ANXA3: variants seen among roughly 807,000 people sequenced by gnomAD.
ANXA3 encodes the protein annexin A3, also known as 35-alpha calcimedin.
Under a neutral mutation model 48.8 loss-of-function variants are expected in ANXA3, and 46 were observed. That is an observed-to-expected ratio of 0.94 (90% CI 0.74 to 1.21). ANXA3 has a LOEUF of 1.21. Ranked by LOEUF, ANXA3 falls within the 50% of genes most tolerant of loss-of-function variation. The probability of loss-of-function intolerance (pLI) is 0.00; values close to 1 mark genes in which losing one functional copy is unlikely to be tolerated. For missense variants in ANXA3, 383 were observed against 378.6 expected (o/e 1.01, Z -0.10); for synonymous variants, 128 against 134.7 (o/e 0.95, Z 0.35).
In ANXA3 at chr4:78,582,175, A is replaced by C. The variant is rs1723085430; in HGVS notation, c.199-2A>C. 6.3e-7 allele frequency: 1 copy of C among 1,592,604 alleles called. No homozygotes were observed. Among genetic ancestry groups the C allele is most frequent in the African/African-American group, 1.4e-5 (1 of 74,024 alleles). ...TTTTTCCCCTTGGTTTTTTGATTTT[A>C]GGAGCTGAAAGATGACTTGAAGGGT... On this transcript the variant is annotated splice_acceptor_variant, in intron 4 of 12. Transcript: ENST00000264908. LOFTEE classifies it high-confidence loss of function.
At chr4:78,584,965 T>G (rs902280112) in intron 5 of ANXA3, among the ~76,000 whole-genome samples, 1 of 152,140 alleles carries the variant, frequency 6.6e-6, no homozygotes, top group African/African-American at 2.4e-5. Context: ...GGGGAGCCCC[T>G]GAGCAAAGAC....
rs745800844 is a variant in ANXA3, at chr4:78,604,304, A to T, written c.817A>T (p.Asn273Tyr). ...TATTGGAACTGATGAGTTTACTCTG[A>T]ACCGAATAATGGTGTCCAGATCAGA... Reference protein sequence around the residue: ...KGIGTDEFTLNRIMVSRSEID... With the variant: ...KGIGTDEFTLYRIMVSRSEID... The change falls in exon 12 of 13, where the codon AAC (asparagine) becomes TAC (tyrosine). Residue 273 changes from asparagine (N) to tyrosine (Y), a missense_variant. Coordinates refer to ENST00000264908, the MANE Select transcript of ANXA3 (RefSeq NM_005139.3). The T allele has an allele frequency of 8.1e-6, 13 of 1,613,188 alleles. No individual in the cohort carries two copies. The highest frequency in any genetic ancestry group is 1.0e-5 in the Non-Finnish European group (12 of 1,179,462).
intron 1 of ANXA3, 53 bp from the exon 2 acceptor site, chr4:78,554,383 T>C: frequency 8.1e-7 from 1 of 1,228,274 alleles, no homozygotes; most frequent in Non-Finnish European, 1.2e-6. Context: ...ACTAAGATTA[T>C]TGTGTTCTGA....
At chr4:78,601,408 G>A (rs1341919354) in intron 10 of ANXA3, 102 bp from the exon 11 acceptor site, 1 of 1,039,644 alleles carries the variant, frequency 9.6e-7, no homozygotes, top group Admixed American at 1.8e-5. Context: ...GGGATAGAGT[G>A]GTATGACAGT....
chr4:78,559,371 C>G (rs1428781764), intron 2 of ANXA3, among the ~76,000 whole-genome samples: 1 of 152,190 alleles, frequency 6.6e-6, no homozygotes, highest in Non-Finnish European at 1.5e-5. Context: ...GTGTGAGCCA[C>G]CACACCCAGT....
chr4:78,604,946 A>G (rs1723618535), intron 12 of ANXA3, among the ~76,000 whole-genome samples: 1 of 152,248 alleles, frequency 6.6e-6, no homozygotes, highest in East Asian at 1.9e-4. Context: ...ACACAACTTC[A>G]TCAGGTACGA....
chr4:78,588,466 A>G (rs1723224488), intron 6 of ANXA3, among the ~76,000 whole-genome samples: 1 of 152,228 alleles, frequency 6.6e-6, no homozygotes, highest in African/African-American at 2.4e-5. Context: ...GGATTCATGC[A>G]GGTTATAACC....
chr4:78,582,483 A>G, intron 5 of ANXA3, 193 bp downstream of exon 5: 1 of 481,134 alleles, frequency 2.1e-6, no homozygotes, highest in Non-Finnish European at 3.7e-6. Flanking sequence ...GGCTGGAAGA[A>G]TTTTGTCATA....
At chr4:78,598,930 T>C (rs1435721796) in intron 10 of ANXA3, among the ~76,000 whole-genome samples, 1 of 152,164 alleles carries the variant, frequency 6.6e-6, no homozygotes, top group Non-Finnish European at 1.5e-5. Flanking sequence ...TGTTGAGATG[T>C]ACAAACTCTC....
In ANXA3 at chr4:78,601,686, G is replaced by C. The variant is rs1723546015; in HGVS notation, c.789+118G>C. The C allele has an allele frequency of 3.5e-6, 3 of 846,820 alleles. No homozygotes were observed. In the East Asian group the frequency reaches 8.2e-5, roughly 23 times the overall value. The allele number at this position is 846,820 out of a possible 1,614,324, so 52.5% of individuals were successfully genotyped here. A position where few individuals can be genotyped will look rare whatever the true frequency, so the allele number is the denominator to read the frequency against. The stretch of plus-strand genomic sequence containing the variant: ...TTTTAATGTAATTTAAACATTTTAA[G>C]ATAAATTATATTACAGCAAATCAAG... On this transcript the variant is annotated intron_variant, in intron 11 of 12. Transcript: ENST00000264908.
chr4:78,598,562 C>G (rs537716486), intron 10 of ANXA3, among the ~76,000 whole-genome samples: 1 of 150,606 alleles, frequency 6.6e-6, no homozygotes, highest in Non-Finnish European at 1.5e-5. Flanking sequence ...TTCTTTGTGA[C>G]GGAGTCTCGC....
intron 5 of ANXA3, among the ~76,000 whole-genome samples, chr4:78,583,144 GC>G (rs1462834675): frequency 1.3e-5 from 2 of 151,176 alleles, no homozygotes; most frequent in African/African-American, 4.9e-5. Flanking sequence ...TTTGAAATCA[GC>G]CTGGGCAACT....
Position 78,557,582 on chromosome 4 carries a change from G to A in ANXA3, c.15+3094G>A, listed in dbSNP as rs186619074. ...TTTGGCATCAGATAGCAGGAAAGAGGTGGGGAGGGGCCAAAAACAGGAGGC... is the reference window on the plus strand; with the variant it reads ...TTTGGCATCAGATAGCAGGAAAGAGATGGGGAGGGGCCAAAAACAGGAGGC... On this transcript the variant is annotated intron_variant, in intron 2 of 12. Coordinates refer to ENST00000264908, the MANE Select transcript of ANXA3 (RefSeq NM_005139.3). Among the ~76,000 whole-genome samples the A allele has an allele frequency of 7.8e-3, 1,185 of 152,284 alleles. 36 individuals carry two copies. The highest frequency in any genetic ancestry group is 0.068 in the Admixed American group (1,042 of 15,298).
Position 78,610,365 on chromosome 4 carries a change from T to G in ANXA3, c.*250T>G. 1 of 297,994 alleles carries G rather than the reference T, an allele frequency of 3.4e-6. No individual in the cohort carries two copies. The highest frequency in any genetic ancestry group is 6.2e-6 in the Non-Finnish European group (1 of 161,794). The allele number at this position is 297,994 out of a possible 1,614,324, so 18.5% of individuals were successfully genotyped here. ...CTGCAACTACTATCCAACTTATATT[T>G]CTGCTTTCAAAGTTAAGAATCTTTA... is the stretch of plus-strand genomic sequence containing the variant. On this transcript the variant is annotated 3_prime_UTR_variant, in exon 13 of 13. Coordinates refer to ENST00000264908, the MANE Select transcript of ANXA3 (RefSeq NM_005139.3).
chr4:78,585,604 A>G (rs904225943), intron 5 of ANXA3, among the ~76,000 whole-genome samples: 4 of 152,248 alleles, frequency 2.6e-5, no homozygotes, highest in African/African-American at 9.6e-5. Context: ...TCCATTACTA[A>G]GCAAGAAAGA....
At chr4:78,597,668 A>G (rs1384375969) in intron 10 of ANXA3, among the ~76,000 whole-genome samples, 3 of 152,130 alleles carry the variant, frequency 2.0e-5, no homozygotes, top group African/African-American at 7.2e-5. Context: ...GCTGGAGTGC[A>G]GTGGTGTGAT....
At chr4:78,574,326 A>C (rs1722905087) in intron 3 of ANXA3, among the ~76,000 whole-genome samples, 1 of 152,106 alleles carries the variant, frequency 6.6e-6, no homozygotes, top group South Asian at 2.1e-4. Flanking sequence ...AGGCTGAGGT[A>C]GGGGGATACT....
intron 4 of ANXA3, among the ~76,000 whole-genome samples, chr4:78,579,397 C>A (rs1723029040): frequency 6.6e-6 from 1 of 152,086 alleles, no homozygotes; most frequent in South Asian, 2.1e-4. Flanking sequence ...TGATTTTGCT[C>A]CCCAGGGGAC....
At chr4:78,579,714 A>C (rs535506584) in intron 4 of ANXA3, among the ~76,000 whole-genome samples, 2 of 152,306 alleles carry the variant, frequency 1.3e-5, no homozygotes, top group African/African-American at 4.8e-5. Context: ...GGATCACCTG[A>C]GATCAGGAGT....
Sources: gnomAD v4.1 joint callset for allele counts (sites outside exome capture counted in the v4.1 genomes callset) on GRCh38, gnomAD v4.1.1 for gene constraint, MANE v1.5 for transcripts, NCBI Gene and HGNC (gene_info 2026-07-23, HGNC 2026-07-21) for gene names.